The following RBFOX1 variants were observed in gnomAD, a reference collection of about 807,000 sequenced individuals.
RBFOX1 encodes the protein RNA binding protein fox-1 homolog 1.
In RBFOX1, 8 loss-of-function variants were observed where a neutral mutation model predicts 57.7. The observed-to-expected ratio is 0.14, with a 90% CI of 0.08 to 0.25. RBFOX1 has a LOEUF of 0.25. Ranked by LOEUF, RBFOX1 falls within the 10% of genes least tolerant of loss-of-function variation. RBFOX1 has a pLI of 1.00. For synonymous variants in RBFOX1, 326 were observed against 222.4 expected, an observed-to-expected ratio of 1.47 and a Z score of -4.15; for missense variants, 611 against 548.5, an observed-to-expected ratio of 1.11 and a Z score of -1.14.
chr16:5,469,706 C>T lies in RBFOX1; in HGVS notation c.258+2452C>T, dbSNP rs538061995. 8.9e-4 allele frequency among the ~76,000 whole-genome samples: 135 copies of T among 152,264 alleles called. 2 individuals carry two copies. Among genetic ancestry groups the T allele is most frequent in the African/African-American group, 3.2e-3 (131 of 41,558 alleles). ...GCCCCTGACAACTGCTAGTCTGCAT[C>T]CTGCCCCTGTGGATTTACCTCTTTT... On this transcript the variant is annotated intron_variant, in intron 2 of 2. Coordinates refer to the RBFOX1 transcript ENST00000585867.
At chr16:6,933,338 A>T (rs931369235) in intron 3 of RBFOX1, among the ~76,000 whole-genome samples, 2 of 152,198 alleles carry the variant, frequency 1.3e-5, no homozygotes, top group Admixed American at 1.3e-4. Flanking sequence ...GCACTGCATC[A>T]TTTTGCATTT....
intron 2 of RBFOX1, among the ~76,000 whole-genome samples, chr16:6,576,159 A>G (rs55671440): frequency 0.15 from 23,462 of 151,984 alleles, 2,212 homozygotes; most frequent in Non-Finnish European, 0.2. Flanking sequence ...AGTCGTGAGT[A>G]TTCATTCTTT....
intron 4 of RBFOX1, among the ~76,000 whole-genome samples, chr16:7,184,839 G>A (rs1017878202): frequency 2.6e-5 from 4 of 152,060 alleles, no homozygotes; most frequent in African/African-American, 9.7e-5. Context: ...TGCCCTTTAG[G>A]TGTGTTTGTG....
At chr16:5,536,846 C>A (rs1350272761) in intron 2 of RBFOX1, among the ~76,000 whole-genome samples, 1 of 152,176 alleles carries the variant, frequency 6.6e-6, no homozygotes, top group Admixed American at 6.5e-5. Flanking sequence ...GCAGGTGCAT[C>A]TGTACCTGTA....
At chr16:6,644,596 A>C (rs1484727575) in intron 2 of RBFOX1, among the ~76,000 whole-genome samples, 1 of 152,210 alleles carries the variant, frequency 6.6e-6, no homozygotes, top group African/African-American at 2.4e-5. Context: ...CCAGGAGAAC[A>C]ATGCTGTGCC....
At chr16:7,247,029 T>C (rs2094329741) in intron 4 of RBFOX1, among the ~76,000 whole-genome samples, 1 of 152,190 alleles carries the variant, frequency 6.6e-6, no homozygotes, top group Non-Finnish European at 1.5e-5. Flanking sequence ...CAGGTAACAG[T>C]GAGCACTTGT....
Position 6,639,550 on chromosome 16 carries a change from T to C in RBFOX1, c.-63-15053T>C, listed in dbSNP as rs2098470334. On this transcript the variant is annotated intron_variant, in intron 2 of 15. Transcript: ENST00000550418. ...AATAACTATGATAAAATTATACAAA[T>C]ACACAATAATAATAAATACACATAA... Among the ~76,000 whole-genome samples the C allele has an allele frequency of 4.6e-5, 7 of 152,292 alleles. No homozygotes were observed. The South Asian group carries it at 1.2e-3, about 27-fold the overall frequency.
chr16:5,469,104 A>G (rs2069048627), intron 2 of RBFOX1, among the ~76,000 whole-genome samples: 1 of 152,214 alleles, frequency 6.6e-6, no homozygotes, highest in Non-Finnish European at 1.5e-5. Flanking sequence ...AGAGCGGGCA[A>G]GCTCTGGCCT....
intron 3 of RBFOX1, among the ~76,000 whole-genome samples, chr16:6,987,747 C>G (rs2153604131): frequency 6.6e-6 from 1 of 152,266 alleles, no homozygotes; most frequent in South Asian, 2.1e-4. Context: ...TGTGTGGTGC[C>G]TCTTGCAGAT....
chr16:6,837,151 G>T (rs1353382197), intron 3 of RBFOX1, among the ~76,000 whole-genome samples: 6 of 152,220 alleles, frequency 3.9e-5, no homozygotes, highest in African/African-American at 1.4e-4. Flanking sequence ...AGTTATTCAG[G>T]AAAGCTGGTT....
chr16:6,173,923 G>C (rs2096982753), intron 1 of RBFOX1, among the ~76,000 whole-genome samples: 1 of 152,012 alleles, frequency 6.6e-6, no homozygotes, highest in African/African-American at 2.4e-5. Context: ...TTATGAGTCA[G>C]AGGAAAGAGC....
rs189939951 is a variant in RBFOX1 at position 7,260,811 on chromosome 16, T to C, written c.27+208713T>C. On this transcript the variant is annotated intron_variant, in intron 4 of 15. Transcript: ENST00000550418. The stretch of plus-strand genomic sequence containing the variant: ...CAGCAGGGTCCTTGGAAAGACCAAA[T>C]GGAAAATTGCTTTTCTATGAACCCC... Among the ~76,000 whole-genome samples, 311 of 152,278 alleles carry C rather than the reference T, an allele frequency of 2.0e-3. 2 individuals are homozygous for C. The highest frequency in any genetic ancestry group is 7.3e-3 in the African/African-American group (305 of 41,566).
chr16:6,067,273 C>T (rs1040024253), intron 1 of RBFOX1, among the ~76,000 whole-genome samples: 4 of 152,086 alleles, frequency 2.6e-5, no homozygotes, highest in African/African-American at 4.8e-5. Context: ...TCCTGTTTTT[C>T]GTTCTGGGGC....
chr16:6,545,175 C>T (rs1301771227), intron 2 of RBFOX1, among the ~76,000 whole-genome samples: 2 of 152,206 alleles, frequency 1.3e-5, no homozygotes, highest in African/African-American at 2.4e-5. Context: ...AAACTACCCG[C>T]ATCTGGACTA....
intron 4 of RBFOX1, among the ~76,000 whole-genome samples, chr16:7,466,860 G>A (rs77316795): frequency 6.6e-6 from 1 of 152,148 alleles, no homozygotes; most frequent in East Asian, 1.9e-4. Flanking sequence ...AATTAGAGCA[G>A]GAAGAGACCA....
chr16:7,211,604 A>T (rs2091156812), intron 4 of RBFOX1, among the ~76,000 whole-genome samples: 1 of 152,268 alleles, frequency 6.6e-6, no homozygotes, highest in South Asian at 2.1e-4. Flanking sequence ...AGTTGTTGAA[A>T]TCTAGAGGCA....
chr16:5,973,496 CAG>C (rs2060002497), intron 4 of RBFOX1, among the ~76,000 whole-genome samples: 1 of 152,182 alleles, frequency 6.6e-6, no homozygotes, highest in Non-Finnish European at 1.5e-5. Flanking sequence ...TTCCCTAGGT[CAG>C]AGTCAGAAAA....
At chr16:6,884,576 C>G (rs983472907) in intron 3 of RBFOX1, among the ~76,000 whole-genome samples, 3 of 152,026 alleles carry the variant, frequency 2.0e-5, no homozygotes, top group African/African-American at 7.2e-5. Context: ...TGTTTTATTA[C>G]CCCCATTTTG....
chr16:6,929,118 A>C (rs9302832), intron 3 of RBFOX1, among the ~76,000 whole-genome samples: 1 of 151,900 alleles, frequency 6.6e-6, no homozygotes. Flanking sequence ...CCACATTGCA[A>C]CTCTTCAATA....
Sources: gnomAD v4.1 joint callset for allele counts (sites outside exome capture counted in the v4.1 genomes callset) on GRCh38, gnomAD v4.1.1 for gene constraint, MANE v1.5 for transcripts, NCBI Gene and HGNC (gene_info 2026-07-23, HGNC 2026-07-21) for gene names.